ALPK1: variants seen among roughly 807,000 people sequenced by gnomAD.
The protein encoded by ALPK1 is alpha kinase 1.
Under a neutral mutation model 120.6 loss-of-function variants are expected in ALPK1, and 110 were observed. The ratio of observed to expected loss-of-function variants is 0.91; its 90% confidence interval spans 0.78 to 1.07. The LOEUF (loss-of-function observed/expected upper bound fraction) is 1.07. ALPK1 is among the 50% of genes least tolerant of loss of function. The probability of loss-of-function intolerance (pLI) is 0.00; values close to 1 mark genes in which losing one functional copy is unlikely to be tolerated. For synonymous variants in ALPK1, 582 were observed against 560.3 expected, an observed-to-expected ratio of 1.04 and a Z score of -0.55; for missense variants, 1,498 against 1,483.9, an observed-to-expected ratio of 1.01 and a Z score of -0.16.
chr4:112,418,051 AAAG>A (rs1385244569), intron 5 of ALPK1, among the ~76,000 whole-genome samples: 3 of 152,210 alleles, frequency 2.0e-5, no homozygotes, highest in African/African-American at 4.8e-5. Context: ...AGAGAACTCT[AAAG>A]AAGAACTCTA....
intron 9 of ALPK1, among the ~76,000 whole-genome samples, chr4:112,428,880 T>C (rs1365419346): frequency 6.6e-6 from 1 of 152,234 alleles, no homozygotes. Flanking sequence ...GGCTTCAAAA[T>C]GTGCAGTTCC....
rs1026474220 is a variant in ALPK1, at chr4:112,411,750, T to C, written c.277-77T>C. 5.1e-6 allele frequency: 7 copies of C among 1,385,864 alleles called. No homozygotes were observed. In the African/African-American group the frequency reaches 1.0e-4, roughly 20 times the overall value. The allele number at this position is 1,385,864 out of a possible 1,614,324, so 85.8% of individuals were successfully genotyped here. A position where few individuals can be genotyped will look rare whatever the true frequency, so the allele number is the denominator to read the frequency against. On this transcript the variant is annotated intron_variant, in intron 4 of 15. Coordinates refer to ENST00000650871, the MANE Select transcript of ALPK1 (RefSeq NM_025144.4). ...GTGGGTTTTGTTGTATTAATGAAAA[T>C]GCCTCCCACGCTAAGCCTGGCCCTC...
chr4:112,301,406 C>T (rs1727781201), intron 1 of ALPK1, among the ~76,000 whole-genome samples: 1 of 152,322 alleles, frequency 6.6e-6, no homozygotes, highest in South Asian at 2.1e-4. Context: ...TCTGAAGGCG[C>T]AGCTTGCCAG....
chr4:112,338,688 T>C (rs1306428101), intron 2 of ALPK1, among the ~76,000 whole-genome samples: 1 of 152,184 alleles, frequency 6.6e-6, no homozygotes, highest in Non-Finnish European at 1.5e-5. Flanking sequence ...TGTTTTACCT[T>C]GGAAGTGAGT....
chr4:112,371,185 G>A (rs529307333), intron 2 of ALPK1, among the ~76,000 whole-genome samples: 4 of 152,188 alleles, frequency 2.6e-5, no homozygotes, highest in African/African-American at 7.2e-5. Context: ...TACTTTCCAC[G>A]TGAATTTTTG....
intron 5 of ALPK1, chr4:112,412,527 T>C (rs1733532948): frequency 2.3e-6 from 1 of 433,074 alleles, no homozygotes; most frequent in Non-Finnish European, 4.6e-6. Flanking sequence ...TCTTAAAGTA[T>C]CTTTTTTTTT....
In ALPK1 at chr4:112,429,336, T is replaced by A. The variant is rs573152426; in HGVS notation, c.900+83T>A. 2.8e-6 allele frequency: 3 copies of A among 1,090,454 alleles called. No individual in the cohort carries two copies. In the East Asian group the frequency reaches 7.2e-5, roughly 26 times the overall value. 67.5% of individuals were successfully genotyped at this position (1,090,454 alleles called of 1,614,324 possible). On this transcript the variant is annotated intron_variant, in intron 10 of 15. Transcript: ENST00000650871. ...GATGTAACCAGTGAGAAGGGAAAGG[T>A]TTAACCTTCAAACAGGCTTTGTGTC... is the stretch of plus-strand genomic sequence containing the variant.
intron 4 of ALPK1, among the ~76,000 whole-genome samples, chr4:112,403,955 A>G (rs1361561539): frequency 3.9e-5 from 6 of 152,250 alleles, no homozygotes. Context: ...ATCAGTTTAC[A>G]GGTGCTTGGG....
chr4:112,309,168 G>T (rs1237198492), intron 1 of ALPK1, among the ~76,000 whole-genome samples: 1 of 152,150 alleles, frequency 6.6e-6, no homozygotes, highest in African/African-American at 2.4e-5. Context: ...ACTGGAGGGT[G>T]CCTCCCAGTT....
chr4:112,394,829 C>G (rs1043823349), intron 4 of ALPK1, among the ~76,000 whole-genome samples: 1 of 152,132 alleles, frequency 6.6e-6, no homozygotes. Flanking sequence ...GTGGGCTGAG[C>G]AACCCAGCTC....
In ALPK1 at chr4:112,305,702, A is replaced by G. The variant is rs1162243637; in HGVS notation, c.-153+8233A>G. On this transcript the variant is annotated intron_variant, in intron 1 of 15. Transcript: ENST00000650871. ...AGTCACGTCATCTGCAAACAGGGACAATTTGACTTCCTCTTTTCCTAATTG... is the reference window on the plus strand; with the variant it reads ...AGTCACGTCATCTGCAAACAGGGACGATTTGACTTCCTCTTTTCCTAATTG... 2.0e-5 allele frequency among the ~76,000 whole-genome samples: 3 copies of G among 152,036 alleles called. No homozygotes were observed. The East Asian group carries it at 5.8e-4, about 29-fold the overall frequency.
intron 4 of ALPK1, among the ~76,000 whole-genome samples, chr4:112,407,704 T>G (rs551557017): frequency 1.6e-4 from 25 of 152,308 alleles, no homozygotes; most frequent in Admixed American, 5.9e-4. Context: ...AAACCATTAT[T>G]CCCTGTGAGG....
intron 2 of ALPK1, chr4:112,356,960 G>T: frequency 1.3e-6 from 1 of 765,698 alleles, no homozygotes; most frequent in Non-Finnish European, 2.4e-6. Context: ...GGGACTGGAC[G>T]TCATAGACCA....
chr4:112,439,014 T>G (rs554369624), intron 13 of ALPK1, among the ~76,000 whole-genome samples: 7 of 152,308 alleles, frequency 4.6e-5, no homozygotes, highest in African/African-American at 1.7e-4. Flanking sequence ...CTTCTGTCCA[T>G]GGATTACAGC....
chr4:112,417,667 G>A (rs753767941), intron 5 of ALPK1, among the ~76,000 whole-genome samples: 52 of 152,074 alleles, frequency 3.4e-4, no homozygotes, highest in Non-Finnish European at 2.2e-4. Context: ...TTTATTTTCT[G>A]TAGAGTCGAG....
At chr4:112,299,327 G>T (rs1295702682) in intron 1 of ALPK1, among the ~76,000 whole-genome samples, 1 of 151,954 alleles carries the variant, frequency 6.6e-6, no homozygotes, top group Non-Finnish European at 1.5e-5. Context: ...TCCTAAGTAT[G>T]GTATACATGC....
At chr4:112,298,310 C>A (rs956201005) in intron 1 of ALPK1, among the ~76,000 whole-genome samples, 3 of 151,868 alleles carry the variant, frequency 2.0e-5, no homozygotes, top group East Asian at 1.9e-4. Context: ...CTTTGTGCCA[C>A]TAATTCTCTT....
At position 112,423,955 on chromosome 4, in the gene ALPK1, A is replaced by G; in HGVS notation, c.487A>G (p.Lys163Glu). Residue 163 changes from lysine to glutamate, a missense_variant, in exon 6 of 16, where the codon AAA becomes GAA. Transcript: ENST00000650871. Reference protein sequence around the residue: ...RISVNSGKLLKAEYILSSLIS... With the variant: ...RISVNSGKLLEAEYILSSLIS... ...TTGCTGCTTTTCAGGAAAACTTTTA[A>G]AAGCAGAGTATATTCTGAGCAGTCT... The G allele has an allele frequency of 6.2e-7, 1 of 1,613,956 alleles. No individual in the cohort carries two copies.
intron 2 of ALPK1, among the ~76,000 whole-genome samples, chr4:112,364,169 A>G (rs1418082747): frequency 1.3e-5 from 2 of 152,116 alleles, no homozygotes. Context: ...AACTAGAACA[A>G]AGCAAACACA....
Sources: gnomAD v4.1 joint callset for allele counts (sites outside exome capture counted in the v4.1 genomes callset) on GRCh38, gnomAD v4.1.1 for gene constraint, MANE v1.5 for transcripts, NCBI Gene and HGNC (gene_info 2026-07-23, HGNC 2026-07-21) for gene names.